The following MYO1H variants were observed in gnomAD, a reference collection of about 807,000 sequenced individuals.
MYO1H encodes the protein myosin IH.
Under a neutral mutation model 149.3 loss-of-function variants are expected in MYO1H, and 118 were observed. The observed-to-expected ratio is 0.79, with a 90% CI of 0.68 to 0.92. The LOEUF is 0.92. Among genes scored for constraint, MYO1H ranks in the 40% least tolerant of loss-of-function variants. The pLI is 0.00. For missense variants in MYO1H, 1,212 were observed against 1,280.7 expected, an observed-to-expected ratio of 0.95 and a Z score of 0.82; for synonymous variants, 447 against 465.2, an observed-to-expected ratio of 0.96 and a Z score of 0.50.
At chr12:109,324,755 C>T in the MYO1H span, among the ~76,000 whole-genome samples, 1 of 151,034 alleles carries the variant, frequency 6.6e-6, no homozygotes, top group South Asian at 2.1e-4. Context: ...GCAGAATGTG[C>T]AGGTTTGTTA....
At chr12:109,429,207 AAAAC>A (rs35680732) in intron 19 of MYO1H, among the ~76,000 whole-genome samples, 1 of 151,248 alleles carries the variant, frequency 6.6e-6, no homozygotes, top group Non-Finnish European at 1.5e-5. Context: ...ACTCTGTATC[AAAAC>A]AAACAAAAAC....
At chr12:109,444,609 A>T in intron 30 of MYO1H, 80 bp downstream of exon 30, 3 of 1,100,514 alleles carry the variant, frequency 2.7e-6, no homozygotes, top group Non-Finnish European at 2.7e-6. Flanking sequence ...GCTCATGCCT[A>T]TAATCCCAGC....
At chr12:109,328,152 A>G in the MYO1H span, among the ~76,000 whole-genome samples, 1 of 149,446 alleles carries the variant, frequency 6.7e-6, no homozygotes, top group Non-Finnish European at 1.5e-5. Flanking sequence ...ATATATATAT[A>G]TATGCGTGTG....
intron 2 of MYO1H, among the ~76,000 whole-genome samples, chr12:109,393,071 G>A (rs916414784): frequency 4.6e-5 from 7 of 152,040 alleles, no homozygotes; most frequent in Non-Finnish European, 7.4e-5. Context: ...GCCTCCCAAA[G>A]TGCTGGGATT....
At chr12:109,356,739 A>C (rs547975666) in intron 1 of MYO1H, among the ~76,000 whole-genome samples, 3 of 152,154 alleles carry the variant, frequency 2.0e-5, no homozygotes, top group African/African-American at 7.2e-5. Flanking sequence ...TAGAAGCACT[A>C]TTCTGTTTGC....
the MYO1H span, among the ~76,000 whole-genome samples, chr12:109,323,300 A>C: frequency 6.6e-6 from 1 of 152,254 alleles, no homozygotes; most frequent in African/African-American, 2.4e-5. Flanking sequence ...TTCTCTTTGT[A>C]ATACACATTG....
chr12:109,371,576 T>G (rs1468848777), intron 1 of MYO1H, among the ~76,000 whole-genome samples: 3 of 152,212 alleles, frequency 2.0e-5, no homozygotes, highest in Non-Finnish European at 2.9e-5. Context: ...CTATGGTCTT[T>G]CATTGGATGC....
At chr12:109,415,216 C>A (rs2135565660) in intron 14 of MYO1H, among the ~76,000 whole-genome samples, 2 of 152,228 alleles carry the variant, frequency 1.3e-5, no homozygotes, top group Middle Eastern at 6.8e-3. Context: ...GTGGCTTAGG[C>A]CTGTAATCCC....
the MYO1H span, among the ~76,000 whole-genome samples, chr12:109,314,192 C>T: frequency 6.7e-6 from 1 of 149,312 alleles, no homozygotes. Context: ...GCCTTTTTTA[C>T]TTTTTTTCTT....
At chr12:109,447,321 C>T in exon 32 of MYO1H, 1 of 793,998 alleles carries the variant, frequency 1.3e-6, no homozygotes, top group African/African-American at 1.7e-5. Context: ...TCTGAAGAAA[C>T]TGAGGGGCGT....
chr12:109,424,664 C>T (rs1324691679), intron 16 of MYO1H, 84 bp from the exon 17 acceptor site: 1 of 1,012,670 alleles, frequency 9.9e-7, no homozygotes, highest in Non-Finnish European at 1.5e-6. Flanking sequence ...TCTGTTGCTT[C>T]ATGCACACTC....
the MYO1H span, among the ~76,000 whole-genome samples, chr12:109,327,931 T>G: frequency 6.6e-6 from 1 of 151,776 alleles, no homozygotes; most frequent in Non-Finnish European, 1.5e-5. Flanking sequence ...TCCCAAATGC[T>G]TTCTATGCAT....
the MYO1H span, among the ~76,000 whole-genome samples, chr12:109,326,929 T>TC: frequency 1.3e-5 from 2 of 151,652 alleles, no homozygotes; most frequent in Non-Finnish European, 2.9e-5. Context: ...TTATAAACTT[T>TC]CCCCCCACTC....
intron 1 of MYO1H, among the ~76,000 whole-genome samples, chr12:109,351,190 T>G (rs1381087309): frequency 6.6e-6 from 1 of 152,172 alleles, no homozygotes; most frequent in Non-Finnish European, 1.5e-5. Flanking sequence ...TCAGAGACCT[T>G]TATTTTTAAT....
exon 17 of MYO1H, chr12:109,424,761 C>T: frequency 6.2e-7 from 1 of 1,613,820 alleles, no homozygotes; most frequent in Non-Finnish European, 8.5e-7. Context: ...CTGTGCAAGT[C>T]CAAGAACATT....
At chr12:109,414,155 C>T in intron 14 of MYO1H, among the ~76,000 whole-genome samples, 1 of 152,030 alleles carries the variant, frequency 6.6e-6, no homozygotes. Flanking sequence ...ATATGTATGA[C>T]AGATTTAAGT....
intron 28 of MYO1H, 66 bp downstream of exon 28, chr12:109,443,715 G>A: frequency 1.3e-6 from 2 of 1,574,534 alleles, no homozygotes; most frequent in Non-Finnish European, 1.7e-6. Flanking sequence ...GCCCAGTAAT[G>A]AAGCTCCCAA....
intron 1 of MYO1H, among the ~76,000 whole-genome samples, chr12:109,379,804 C>T (rs1308412236): frequency 1.4e-5 from 2 of 141,680 alleles, no homozygotes; most frequent in African/African-American, 5.3e-5. Context: ...GCAATCTCAG[C>T]TCACTGCAAC....
the MYO1H span, among the ~76,000 whole-genome samples, chr12:109,330,020 G>A: frequency 4.6e-5 from 7 of 152,302 alleles, no homozygotes; most frequent in East Asian, 1.2e-3. Context: ...GTGGTGAACC[G>A]GACTGGGGGC....
Sources: gnomAD v4.1 joint callset for allele counts (sites outside exome capture counted in the v4.1 genomes callset) on GRCh38, gnomAD v4.1.1 for gene constraint, MANE v1.5 for transcripts, NCBI Gene and HGNC (gene_info 2026-07-23, HGNC 2026-07-21) for gene names.